KCNIP4: variants seen among roughly 807,000 people sequenced by gnomAD.
The protein encoded by KCNIP4 is potassium voltage-gated channel interacting protein 4.
In KCNIP4, 12 loss-of-function variants were observed where a neutral mutation model predicts 34.0. The ratio of observed to expected loss-of-function variants is 0.35; its 90% CI spans 0.23 to 0.57. The LOEUF is 0.57. Among genes scored for constraint, KCNIP4 ranks in the 20% least tolerant of loss-of-function variants. KCNIP4 has a pLI of 0.83. For synonymous variants in KCNIP4, 124 were observed against 102.2 expected, an observed-to-expected ratio of 1.21 and a Z score of -1.29; for missense variants, 238 against 311.7, an observed-to-expected ratio of 0.76 and a Z score of 1.78.
intron 1 of KCNIP4, among the ~76,000 whole-genome samples, chr4:21,326,358 CTCT>C (rs920114222): frequency 6.6e-6 from 1 of 151,462 alleles, no homozygotes; most frequent in African/African-American, 2.4e-5. Flanking sequence ...ATCTCTTTAT[CTCT>C]TCTTTGTTCT....
intron 1 of KCNIP4, among the ~76,000 whole-genome samples, chr4:21,400,678 A>G (rs992291487): frequency 4.3e-4 from 65 of 152,054 alleles, no homozygotes; most frequent in African/African-American, 1.6e-3. Flanking sequence ...GGGTGTGACC[A>G]AGCATCCAAC....
At chr4:21,270,389 G>A (rs553141123) in intron 1 of KCNIP4, among the ~76,000 whole-genome samples, 1 of 140,718 alleles carries the variant, frequency 7.1e-6, no homozygotes, top group Admixed American at 7.0e-5. Flanking sequence ...TCAGACTCGA[G>A]GAGTGCTGCT....
chr4:21,247,908 T>TAC (rs1553845781), intron 1 of KCNIP4, among the ~76,000 whole-genome samples: 32 of 130,914 alleles, frequency 2.4e-4, no homozygotes, highest in Middle Eastern at 3.8e-3. Context: ...TATATATATA[T>TAC]ACACACACAC....
intron 4 of KCNIP4, among the ~76,000 whole-genome samples, chr4:20,758,171 A>G (rs979602154): frequency 1.3e-5 from 2 of 152,186 alleles, no homozygotes; most frequent in South Asian, 4.1e-4. Context: ...ATAAGGTCCA[A>G]TGGCAAGAAT....
At chr4:21,564,135 C>A (rs913782301) in intron 1 of KCNIP4, among the ~76,000 whole-genome samples, 1 of 152,162 alleles carries the variant, frequency 6.6e-6, no homozygotes, top group Non-Finnish European at 1.5e-5. Flanking sequence ...ATCTCCCCTA[C>A]ATCCTGCTCT....
At chr4:21,047,759 AGC>A (rs1262922801) in intron 1 of KCNIP4, among the ~76,000 whole-genome samples, 1 of 152,250 alleles carries the variant, frequency 6.6e-6, no homozygotes, top group Non-Finnish European at 1.5e-5. Flanking sequence ...CATGTCTGAT[AGC>A]CTAGAGCAGC....
At chr4:21,307,380 T>G (rs1712601625) in intron 1 of KCNIP4, among the ~76,000 whole-genome samples, 2 of 152,166 alleles carry the variant, frequency 1.3e-5, no homozygotes, top group Admixed American at 1.3e-4. Context: ...AGAGAGGCCC[T>G]TTCTAACTGT....
intron 1 of KCNIP4, among the ~76,000 whole-genome samples, chr4:21,652,037 C>T (rs933807574): frequency 5.3e-5 from 8 of 151,998 alleles, no homozygotes; most frequent in African/African-American, 1.5e-4. Flanking sequence ...GCCCTAACAC[C>T]GACATTGCGA....
chr4:21,292,635 GTATTTCC>G (rs1262381541), intron 1 of KCNIP4, among the ~76,000 whole-genome samples: 2 of 152,036 alleles, frequency 1.3e-5, no homozygotes, highest in African/African-American at 4.8e-5. Context: ...AGACTATATG[GTATTTCC>G]TTTCTCCTTG....
chr4:21,388,510 A>G (rs1015220108), intron 1 of KCNIP4, among the ~76,000 whole-genome samples: 12 of 152,130 alleles, frequency 7.9e-5, no homozygotes, highest in Admixed American at 2.0e-4. Context: ...ATTGGGGTAT[A>G]ATCAACATAT....
chr4:21,524,599 A>G (rs1735814984), intron 1 of KCNIP4, among the ~76,000 whole-genome samples: 1 of 151,984 alleles, frequency 6.6e-6, no homozygotes, highest in Non-Finnish European at 1.5e-5. Flanking sequence ...CTTAACACTT[A>G]TTCGTTCTTT....
At chr4:21,910,090 A>AG (rs1728220026) in intron 1 of KCNIP4, among the ~76,000 whole-genome samples, 1 of 152,102 alleles carries the variant, frequency 6.6e-6, no homozygotes, top group Non-Finnish European at 1.5e-5. Flanking sequence ...TTACCTGTGC[A>AG]GGGGGAGGGC....
At chr4:21,255,826 T>C (rs759237628) in intron 1 of KCNIP4, among the ~76,000 whole-genome samples, 2 of 152,146 alleles carry the variant, frequency 1.3e-5, no homozygotes, top group Non-Finnish European at 2.9e-5. Context: ...GAACTGTAAA[T>C]TGACTTGAAG....
chr4:20,836,273 A>G (rs1719028739), intron 3 of KCNIP4, among the ~76,000 whole-genome samples: 1 of 152,282 alleles, frequency 6.6e-6, no homozygotes, highest in African/African-American at 2.4e-5. Flanking sequence ...TCTTAAATCC[A>G]ATAAACCCTT....
At chr4:21,241,330 T>C (rs1190613788) in intron 1 of KCNIP4, among the ~76,000 whole-genome samples, 1 of 152,160 alleles carries the variant, frequency 6.6e-6, no homozygotes, top group Admixed American at 6.5e-5. Flanking sequence ...TTTCTAAAGT[T>C]TATATGGGTT....
intron 1 of KCNIP4, among the ~76,000 whole-genome samples, chr4:21,865,610 C>T (rs1192381484): frequency 1.3e-5 from 2 of 150,688 alleles, no homozygotes; most frequent in East Asian, 2.0e-4. Context: ...ATGGTGTGAT[C>T]TCGGCTCACT....
rs552463472 is a variant in KCNIP4, at chr4:20,762,492, T to A, written c.289-3602A>T. On this transcript the variant is annotated intron_variant, in intron 3 of 8. Coordinates refer to ENST00000382152, the MANE Select transcript of KCNIP4 (RefSeq NM_025221.6). ...TAGTGCATTTTTTTAAACCTTCAGGTGAGAAAAAGATGCTAGTGATTTACA... is the reference window on the plus strand; with the variant it reads ...TAGTGCATTTTTTTAAACCTTCAGGAGAGAAAAAGATGCTAGTGATTTACA... 6.6e-5 allele frequency among the ~76,000 whole-genome samples: 10 copies of A among 152,346 alleles called. No homozygotes were observed. The East Asian group carries it at 7.7e-4, about 12-fold the overall frequency.
At chr4:20,901,032 C>T (rs890176362) in intron 1 of KCNIP4, among the ~76,000 whole-genome samples, 8 of 152,072 alleles carry the variant, frequency 5.3e-5, no homozygotes, top group Non-Finnish European at 1.0e-4. Context: ...CTGATAAATG[C>T]GTTTATAGCA....
chr4:21,702,554 T>A (rs1983082), intron 1 of KCNIP4, among the ~76,000 whole-genome samples: 69,810 of 151,956 alleles, frequency 0.46, 18,867 homozygotes, highest in Non-Finnish European at 0.61. Flanking sequence ...AAAGATTAAA[T>A]AGATAATTTG....
Sources: allele counts gnomAD v4.1 joint callset (sites outside exome capture counted in the v4.1 genomes callset), GRCh38; gene constraint gnomAD v4.1.1; transcripts MANE v1.5; gene names NCBI Gene and HGNC (gene_info 2026-07-23, HGNC 2026-07-21).